TCEANC: variants seen among roughly 807,000 people sequenced by gnomAD.
The protein encoded by TCEANC is transcription elongation factor A N-terminal and central domain-containing protein.
Under a neutral mutation model 8.7 loss-of-function variants are expected in TCEANC, and 8 were observed. The observed-to-expected ratio is 0.92, with a 90% confidence interval of 0.54 to 1.65. TCEANC has a LOEUF of 1.65. Among genes scored for constraint, TCEANC ranks in the 40% most tolerant of loss-of-function variants. The pLI is 0.00. For synonymous variants in TCEANC, 78 were observed against 92.9 expected (o/e 0.84, Z 0.92); for missense variants, 255 against 251.9 (o/e 1.01, Z -0.08).
intron 1 of TCEANC, among the ~76,000 whole-genome samples, chrX:13,657,770 T>C (rs1337920656): frequency 4.8e-4 from 45 of 93,165 alleles, no homozygotes; most frequent in African/African-American, 1.9e-3. Flanking sequence ...ATTGCACCAC[T>C]GCACTCCAGC....
exon 2 of TCEANC, chrX:13,663,348 A>T (rs771606580): frequency 1.7e-6 from 2 of 1,194,592 alleles, no homozygotes; most frequent in African/African-American, 3.5e-5. Flanking sequence ...GTATCCAGGA[A>T]CATTACCTTC....
chrX:13,654,533 G>A (rs781385637), upstream of TCEANC, among the ~76,000 whole-genome samples: 1 of 112,567 alleles, frequency 8.9e-6, no homozygotes, highest in East Asian at 2.8e-4. Context: ...ACAATGCCTG[G>A]TTTGGTAGAT....
rs1035675585 is a variant in TCEANC, at chrX:13,660,675, A to C, written c.-8-1826A>C. On this transcript the variant is annotated intron_variant, in intron 1 of 1. Coordinates refer to ENST00000380600, the Ensembl canonical transcript of TCEANC. Reference sequence around the variant, plus strand: ...GAATAATATTCTGTTGTGTGGATAAATCACATTTTATTTATCCATTCATCA... The same window carrying C: ...GAATAATATTCTGTTGTGTGGATAACTCACATTTTATTTATCCATTCATCA... Among the ~76,000 whole-genome samples, 4 of 112,344 alleles carry C rather than the reference A, an allele frequency of 3.6e-5. No homozygotes were observed. The Admixed American group carries it at 3.8e-4, about 11-fold the overall frequency.
chrX:13,661,740 A>T (rs1327004921), intron 1 of TCEANC, among the ~76,000 whole-genome samples: 1 of 112,624 alleles, frequency 8.9e-6, no homozygotes, highest in Non-Finnish European at 1.9e-5. Flanking sequence ...ACACAGACAT[A>T]ATCATTGAGC....
At chrX:13,663,257 C>T (rs766601747) in exon 2 of TCEANC, 1 of 1,203,208 alleles carries the variant, frequency 8.3e-7, no homozygotes, top group East Asian at 3.0e-5. Context: ...ACCACGTCTC[C>T]ACGAGAATTT....
chrX:13,654,578 A>G (rs775986294), upstream of TCEANC, among the ~76,000 whole-genome samples: 11 of 110,719 alleles, frequency 9.9e-5, no homozygotes, highest in East Asian at 2.8e-4. Context: ...TTCACATCCT[A>G]TTATTCACAC....
At chrX:13,657,856 TAGC>T (rs112728735) in intron 1 of TCEANC, among the ~76,000 whole-genome samples, 12,043 of 105,116 alleles carry the variant, frequency 0.11, 1,471 homozygotes, top group African/African-American at 0.35. Context: ...CAAATGTTCA[TAGC>T]AGTATTATTC....
At chrX:13,657,750 G>T (rs1375942204) in intron 1 of TCEANC, among the ~76,000 whole-genome samples, 2 of 105,322 alleles carry the variant, frequency 1.9e-5, no homozygotes, top group African/African-American at 7.0e-5. Flanking sequence ...GTAGATTGCA[G>T]TGAGCCAAGA....
At chrX:13,662,714 A>G (rs2045976256) in exon 2 of TCEANC, 1 of 1,210,113 alleles carries the variant, frequency 8.3e-7, no homozygotes, top group Admixed American at 2.2e-5. Flanking sequence ...AAGAAAGCCA[A>G]GTGTTTGCTA....
intron 1 of TCEANC, 34 bp from the exon 5 acceptor site, chrX:13,662,467 C>G (rs753156557): frequency 8.7e-7 from 1 of 1,152,413 alleles, no homozygotes; most frequent in Non-Finnish European, 1.2e-6. Flanking sequence ...CAACGGCAAA[C>G]TTAAGAAAAC....
chrX:13,663,420 T>C (rs1421213201), exon 2 of TCEANC: 4 of 1,184,379 alleles, frequency 3.4e-6, no homozygotes, highest in Non-Finnish European at 4.5e-6. Context: ...AGAAATACAA[T>C]TGCAAAGTCA....
chrX:13,663,705 C>T, exon 2 of TCEANC: 2 of 565,538 alleles, frequency 3.5e-6, no homozygotes, highest in South Asian at 8.6e-5. Flanking sequence ...GAAGCTGCCA[C>T]CACCATCCCT....
Position 13,662,513 on chromosome X carries a change from C to T in TCEANC, c.5C>T (p.Ser2Phe), listed in dbSNP as rs778454212. 54 of 1,200,389 alleles carry T rather than the reference C, an allele frequency of 4.5e-5. No homozygotes were observed. The highest frequency in any genetic ancestry group is 5.6e-5 in the Non-Finnish European group (50 of 891,539). Residue 2 changes from serine to phenylalanine, a missense_variant, in exon 2 of 2, where the codon TCT becomes TTT. Ser to Phe is a radical substitution (Grantham distance 155). Coordinates refer to ENST00000380600, the Ensembl canonical transcript of TCEANC. The stretch of plus-strand genomic sequence containing the variant: ...TTTTTCTTTGCAGCTGTAAAGATGT[C>T]TGACAAGAACCAGATAGCTGCCAGA...
chrX:13,662,923 A>T, exon 2 of TCEANC: 1 of 1,211,705 alleles, frequency 8.3e-7, no homozygotes, highest in South Asian at 1.8e-5. Context: ...TGTGCCTGAA[A>T]ATAGAGCCAT....
chrX:13,663,587 C>T, exon 2 of TCEANC: 3 of 1,082,497 alleles, frequency 2.8e-6, no homozygotes, highest in South Asian at 2.4e-5. Flanking sequence ...GTTCTCTTAA[C>T]AGATAACCGG....
At chrX:13,659,196 G>T (rs1429425886) in intron 1 of TCEANC, among the ~76,000 whole-genome samples, 2 of 112,380 alleles carry the variant, frequency 1.8e-5, no homozygotes, top group Non-Finnish European at 3.8e-5. Flanking sequence ...TCCCCGACTC[G>T]TTGAAAAGTT....
intron 1 of TCEANC, among the ~76,000 whole-genome samples, chrX:13,657,462 A>G (rs966530409): frequency 8.9e-6 from 1 of 112,708 alleles, no homozygotes; most frequent in South Asian, 3.6e-4. Flanking sequence ...AAGATTAAAC[A>G]GTTATATAAT....
chrX:13,659,273 AG>A (rs780124689), intron 1 of TCEANC, among the ~76,000 whole-genome samples: 49 of 112,338 alleles, frequency 4.4e-4, no homozygotes, highest in African/African-American at 1.2e-3. Context: ...ATCAGGATGG[AG>A]GTTTGCTAGG....
chrX:13,663,131 A>G, exon 2 of TCEANC: 2 of 1,210,937 alleles, frequency 1.7e-6, no homozygotes, highest in Non-Finnish European at 1.1e-6. Flanking sequence ...ATTGAAGAGC[A>G]TGTTTTTACC....
Sources: gnomAD v4.1 joint callset for allele counts (sites outside exome capture counted in the v4.1 genomes callset) on GRCh38, gnomAD v4.1.1 for gene constraint, MANE v1.5 for transcripts, NCBI Gene and HGNC (gene_info 2026-07-23, HGNC 2026-07-21) for gene names.